TNRC6B: variants seen among roughly 807,000 people sequenced by gnomAD.
TNRC6B encodes trinucleotide repeat containing adaptor 6B, also known as trinucleotide repeat-containing gene 6B protein.
TNRC6B carries 52 observed loss-of-function variants against 203.6 expected under a neutral mutation model. The ratio of observed to expected loss-of-function variants is 0.26; its 90% CI spans 0.20 to 0.32. The LOEUF (loss-of-function observed/expected upper bound fraction) is 0.32, where lower values mean the gene tolerates loss of function less well. Ranked by LOEUF, TNRC6B falls within the 10% of genes least tolerant of loss-of-function variation. TNRC6B has a pLI of 1.00. For missense variants in TNRC6B, 1,923 were observed against 2,286.2 expected, an observed-to-expected ratio of 0.84 and a Z score of 3.24; for synonymous variants, 838 against 845.7, an observed-to-expected ratio of 0.99 and a Z score of 0.16.
chr22:40,057,371 G>A (rs535761312), intron 1 of TNRC6B, among the ~76,000 whole-genome samples: 16 of 146,576 alleles, frequency 1.1e-4, no homozygotes, highest in African/African-American at 2.6e-4. Flanking sequence ...TCGGCTCGTC[G>A]CAACCTCCGC....
chr22:40,172,962 C>T (rs2069016553), upstream of TNRC6B, among the ~76,000 whole-genome samples: 1 of 152,168 alleles, frequency 6.6e-6, no homozygotes, highest in African/African-American at 2.4e-5. Flanking sequence ...ACATATAATT[C>T]TAGCATGAGT....
chr22:40,187,732 C>G (rs571697962), intron 1 of TNRC6B, among the ~76,000 whole-genome samples: 2 of 152,084 alleles, frequency 1.3e-5, no homozygotes, highest in African/African-American at 4.8e-5. Context: ...CACTTTTCTC[C>G]GTTTAGCCCC....
chr22:40,122,482 G>A (rs2068455135), intron 2 of TNRC6B, among the ~76,000 whole-genome samples: 1 of 152,208 alleles, frequency 6.6e-6, no homozygotes, highest in South Asian at 2.1e-4. Flanking sequence ...CTGTGTTTAT[G>A]GGTGGAGGAG....
intron 2 of TNRC6B, among the ~76,000 whole-genome samples, chr22:40,123,180 T>C (rs1020368779): frequency 6.6e-6 from 1 of 151,498 alleles, no homozygotes; most frequent in Non-Finnish European, 1.5e-5. Context: ...TTTTAAGAAG[T>C]GAGTGGAGGG....
intron 7 of TNRC6B, among the ~76,000 whole-genome samples, chr22:40,274,707 C>T (rs1215015161): frequency 2.0e-5 from 3 of 152,208 alleles, no homozygotes; most frequent in Admixed American, 2.0e-4. Context: ...AGGCGTGAGC[C>T]TCTGCGCCCA....
At chr22:40,091,610 G>A (rs932188105) in intron 1 of TNRC6B, among the ~76,000 whole-genome samples, 5 of 152,006 alleles carry the variant, frequency 3.3e-5, no homozygotes, top group African/African-American at 9.7e-5. Context: ...AATTTTTAAC[G>A]GTTTTTAAAA....
At chr22:40,279,973 C>T (rs2070702238) in intron 9 of TNRC6B, 22 bp from the exon 10 acceptor site, 1 of 1,612,134 alleles carries the variant, frequency 6.2e-7, no homozygotes, top group Non-Finnish European at 8.5e-7. Context: ...GAAATTTTCA[C>T]TCTGTGTATG....
chr22:40,304,380 G>A (rs2071064019), intron 15 of TNRC6B, among the ~76,000 whole-genome samples: 1 of 152,170 alleles, frequency 6.6e-6, no homozygotes, highest in Non-Finnish European at 1.5e-5. Context: ...CAGCACTTTG[G>A]GAGGCCAAGG....
chr22:40,229,667 G>C (rs1336658235), intron 1 of TNRC6B, among the ~76,000 whole-genome samples: 1 of 152,090 alleles, frequency 6.6e-6, no homozygotes, highest in Non-Finnish European at 1.5e-5. Context: ...TGTCACCATA[G>C]ATTAGTTGAC....
At chr22:40,135,472 G>A (rs1327128455) in intron 3 of TNRC6B, among the ~76,000 whole-genome samples, 1 of 152,078 alleles carries the variant, frequency 6.6e-6, no homozygotes, top group Non-Finnish European at 1.5e-5. Context: ...TTTTATTTTA[G>A]CAACCTTATT....
chr22:40,065,190 C>T (rs1352863579), intron 1 of TNRC6B, among the ~76,000 whole-genome samples: 1 of 152,050 alleles, frequency 6.6e-6, no homozygotes, highest in African/African-American at 2.4e-5. Flanking sequence ...CCAGTGAGCT[C>T]TGTTGCCTAG....
chr22:40,089,168 A>G (rs1023597278), intron 1 of TNRC6B, among the ~76,000 whole-genome samples: 4 of 152,226 alleles, frequency 2.6e-5, no homozygotes, highest in Admixed American at 2.6e-4. Flanking sequence ...CATGGGTGAA[A>G]GGAGATACAA....
chr22:40,304,693 G>A (rs2071068361), intron 15 of TNRC6B, among the ~76,000 whole-genome samples: 1 of 152,118 alleles, frequency 6.6e-6, no homozygotes, highest in South Asian at 2.1e-4. Flanking sequence ...AACTCATTTA[G>A]AAACAAAGTA....
chr22:40,281,827 G>C (rs1209623800), intron 11 of TNRC6B, among the ~76,000 whole-genome samples: 1 of 152,190 alleles, frequency 6.6e-6, no homozygotes. Flanking sequence ...AATGGGTATT[G>C]CTGAGACACA....
At chr22:40,134,395 C>T (rs1228625532) in intron 3 of TNRC6B, among the ~76,000 whole-genome samples, 1 of 152,148 alleles carries the variant, frequency 6.6e-6, no homozygotes, top group Admixed American at 6.5e-5. Flanking sequence ...AATACCTGAT[C>T]AGCACTCCTG....
chr22:40,178,677 A>G (rs895797945), intron 1 of TNRC6B, among the ~76,000 whole-genome samples: 3 of 152,140 alleles, frequency 2.0e-5, no homozygotes, highest in Non-Finnish European at 4.4e-5. Flanking sequence ...TTTAAACATC[A>G]GGTTGGGGGC....
At chr22:40,273,220 G>GT (rs1382282277) in intron 6 of TNRC6B, among the ~76,000 whole-genome samples, 1 of 152,182 alleles carries the variant, frequency 6.6e-6, no homozygotes, top group Admixed American at 6.5e-5. Context: ...TGATTCTATG[G>GT]TTTGTTAACT....
intron 3 of TNRC6B, among the ~76,000 whole-genome samples, chr22:40,261,493 G>T (rs2070381094): frequency 2.0e-5 from 3 of 152,098 alleles, no homozygotes; most frequent in African/African-American, 7.2e-5. Context: ...CAGGAGAATT[G>T]CTTGAACCTG....
chr22:40,239,773 CG>C lies in TNRC6B; in HGVS notation c.6-6238del, dbSNP rs2070002199. On this transcript the variant is annotated intron_variant, in intron 1 of 22. Coordinates refer to ENST00000454349, the MANE Select transcript of TNRC6B (RefSeq NM_001162501.2). ...CTTTTTGGTGTTCTGAACTTGCATG[CG>C]GGGCAGTCTTGTTATGCCTCAGCTT... Among the ~76,000 whole-genome samples, 3 of 152,088 alleles carry C rather than the reference CG, an allele frequency of 2.0e-5. No homozygotes were observed. The South Asian group carries it at 6.2e-4, about 32-fold the overall frequency.
Sources: allele counts gnomAD v4.1 joint callset (sites outside exome capture counted in the v4.1 genomes callset), GRCh38; gene constraint gnomAD v4.1.1; transcripts MANE v1.5; gene names NCBI Gene and HGNC (gene_info 2026-07-23, HGNC 2026-07-21).